Variants in CSMD1 observed in about 807,000 individuals in gnomAD.
CSMD1 encodes CUB and Sushi multiple domains 1, also known as CUB and sushi domain-containing protein 1.
Under a neutral mutation model 417.5 loss-of-function variants are expected in CSMD1, and 213 were observed. That is an observed-to-expected ratio of 0.51 (90% CI 0.46 to 0.57). The LOEUF (loss-of-function observed/expected upper bound fraction) is 0.57, where lower values mean the gene tolerates loss of function less well. Ranked by LOEUF, CSMD1 falls within the 20% of genes least tolerant of loss-of-function variation. CSMD1 has a pLI of 0.00. For synonymous variants in CSMD1, 2,862 were observed against 1,736.8 expected, an observed-to-expected ratio of 1.65 and a Z score of -16.11; for missense variants, 6,923 against 4,529.7, an observed-to-expected ratio of 1.53 and a Z score of -15.17.
chr8:4,957,012 T>C (rs1471399668), intron 1 of CSMD1, among the ~76,000 whole-genome samples: 2 of 152,224 alleles, frequency 1.3e-5, no homozygotes, highest in African/African-American at 2.4e-5. Context: ...GAATCCTAAG[T>C]CTAGCTAGAA....
At chr8:4,800,711 AT>A (rs999085232) in intron 1 of CSMD1, among the ~76,000 whole-genome samples, 3 of 152,142 alleles carry the variant, frequency 2.0e-5, no homozygotes, top group African/African-American at 7.2e-5. Flanking sequence ...AGCAACCCTC[AT>A]TCCAGAGCTG....
chr8:3,939,376 A>G (rs929450546), intron 5 of CSMD1, among the ~76,000 whole-genome samples: 3 of 152,164 alleles, frequency 2.0e-5, no homozygotes, highest in African/African-American at 7.2e-5. Flanking sequence ...GTTGGCATGG[A>G]TATGGTGAAA....
chr8:3,166,867 G>T (rs1281749946), intron 37 of CSMD1, among the ~76,000 whole-genome samples: 1 of 152,162 alleles, frequency 6.6e-6, no homozygotes, highest in Non-Finnish European at 1.5e-5. Context: ...GAAAAAGTAA[G>T]CTGTCTTATT....
intron 41 of CSMD1, among the ~76,000 whole-genome samples, chr8:3,124,681 G>A (rs1050059026): frequency 6.6e-6 from 1 of 152,140 alleles, no homozygotes; most frequent in East Asian, 1.9e-4. Flanking sequence ...CACCTCCTAA[G>A]TGGAGACGAA....
chr8:4,378,708 G>C (rs35799660), intron 3 of CSMD1, among the ~76,000 whole-genome samples: 30,145 of 152,188 alleles, frequency 0.2, 3,128 homozygotes, highest in Middle Eastern at 0.28. Flanking sequence ...CTAATATTCA[G>C]TGTGGTGGTC....
At chr8:3,717,911 A>G (rs181755976) in intron 6 of CSMD1, among the ~76,000 whole-genome samples, 1 of 152,110 alleles carries the variant, frequency 6.6e-6, no homozygotes, top group Non-Finnish European at 1.5e-5. Context: ...ATTTGCTAGA[A>G]CTAGAATTCT....
chr8:3,945,683 C>G (rs1811177905), intron 5 of CSMD1, among the ~76,000 whole-genome samples: 1 of 152,012 alleles, frequency 6.6e-6, no homozygotes, highest in South Asian at 2.1e-4. Flanking sequence ...TGACGACAGT[C>G]CAGATAGCTC....
chr8:3,824,097 A>G (rs146418282), intron 5 of CSMD1, among the ~76,000 whole-genome samples: 1 of 152,318 alleles, frequency 6.6e-6, no homozygotes, highest in East Asian at 1.9e-4. Context: ...GTCACAGTGA[A>G]ATTAGTCTCC....
intron 6 of CSMD1, among the ~76,000 whole-genome samples, chr8:3,720,326 G>A (rs1169435825): frequency 6.6e-6 from 1 of 152,140 alleles, no homozygotes; most frequent in Non-Finnish European, 1.5e-5. Flanking sequence ...GAGAGGAGAA[G>A]CTACTGGAAA....
At chr8:3,644,212 A>G (rs189718070) in intron 7 of CSMD1, among the ~76,000 whole-genome samples, 52 of 152,292 alleles carry the variant, frequency 3.4e-4, no homozygotes, top group African/African-American at 1.2e-3. Context: ...TCAGAAATCT[A>G]TTTCAATAAA....
intron 2 of CSMD1, among the ~76,000 whole-genome samples, chr8:4,616,141 A>AT (rs1369861212): frequency 6.6e-6 from 1 of 152,216 alleles, no homozygotes; most frequent in Admixed American, 6.5e-5. Flanking sequence ...CTTTGTTGTG[A>AT]TAAAAATAAA....
intron 1 of CSMD1, among the ~76,000 whole-genome samples, chr8:4,827,617 G>C (rs1038267803): frequency 3.9e-5 from 6 of 152,184 alleles, no homozygotes; most frequent in Non-Finnish European, 8.8e-5. Context: ...GTCTCAGAAA[G>C]ATTGAATAGG....
At chr8:3,240,679 A>G (rs1415687800) in intron 26 of CSMD1, among the ~76,000 whole-genome samples, 2 of 152,092 alleles carry the variant, frequency 1.3e-5, no homozygotes, top group African/African-American at 4.8e-5. Context: ...GCGCAAAGGA[A>G]TAGTAAAGAA....
intron 3 of CSMD1, among the ~76,000 whole-genome samples, chr8:4,108,958 A>C (rs948913830): frequency 6.6e-6 from 1 of 152,184 alleles, no homozygotes; most frequent in East Asian, 1.9e-4. Context: ...ATTTATGTAT[A>C]ATTTAGAAAC....
chr8:4,391,775 C>A (rs1377545415), intron 3 of CSMD1, among the ~76,000 whole-genome samples: 1 of 152,164 alleles, frequency 6.6e-6, no homozygotes, highest in Non-Finnish European at 1.5e-5. Context: ...CTTTCCCTCT[C>A]CCCTGAGTTT....
At chr8:3,959,557 T>C (rs1233815738) in intron 5 of CSMD1, among the ~76,000 whole-genome samples, 1 of 151,946 alleles carries the variant, frequency 6.6e-6, no homozygotes, top group African/African-American at 2.4e-5. Context: ...AGACAAAGAG[T>C]TCCCATAGTT....
intron 4 of CSMD1, among the ~76,000 whole-genome samples, chr8:4,025,166 G>T (rs918131998): frequency 1.3e-5 from 2 of 152,242 alleles, no homozygotes; most frequent in African/African-American, 4.8e-5. Context: ...GAGCTCCTGT[G>T]AAGAAATGCA....
At chr8:3,932,472 T>A (rs1810218423) in intron 5 of CSMD1, among the ~76,000 whole-genome samples, 1 of 150,544 alleles carries the variant, frequency 6.6e-6, no homozygotes, top group African/African-American at 2.5e-5. Context: ...AAGACCTTGA[T>A]ATGTAGGACC....
intron 7 of CSMD1, among the ~76,000 whole-genome samples, chr8:3,633,577 C>G (rs1292581275): frequency 6.6e-6 from 1 of 152,140 alleles, no homozygotes; most frequent in East Asian, 1.9e-4. Context: ...TCATTTTTAG[C>G]TACTTAAATT....
Sources: gnomAD v4.1 joint callset for allele counts (sites outside exome capture counted in the v4.1 genomes callset) on GRCh38, gnomAD v4.1.1 for gene constraint, MANE v1.5 for transcripts, NCBI Gene and HGNC (gene_info 2026-07-23, HGNC 2026-07-21) for gene names.